The following EIF2AK4 variants were observed in gnomAD, a reference collection of about 807,000 sequenced individuals.
The protein encoded by EIF2AK4 is eIF-2-alpha kinase GCN2.
A neutral mutation model predicts 211.1 loss-of-function variants in EIF2AK4; 139 were observed. That is an observed-to-expected ratio of 0.66 (90% confidence interval 0.57 to 0.76). The LOEUF (loss-of-function observed/expected upper bound fraction) is 0.76. Among genes scored for constraint, EIF2AK4 ranks in the 30% least tolerant of loss-of-function variants. EIF2AK4 has a pLI of 0.00. For missense variants in EIF2AK4, 1,664 were observed against 2,043.8 expected, an observed-to-expected ratio of 0.81 and a Z score of 3.58; for synonymous variants, 710 against 751.3, an observed-to-expected ratio of 0.94 and a Z score of 0.90.
At chr15:40,034,835 C>T (rs189899800) in intron 38 of EIF2AK4, among the ~76,000 whole-genome samples, 192 bp from the exon 39 acceptor site, 98 of 152,290 alleles carry the variant, frequency 6.4e-4, no homozygotes, top group African/African-American at 2.3e-3. Context: ...ATGGTTATCT[C>T]CTTACTAGGA....
Position 40,007,071 on chromosome 15 carries a change from A to G in EIF2AK4, c.3407+6A>G. 6.3e-7 allele frequency: 1 copy of G among 1,585,568 alleles called. No individual in the cohort carries two copies. Among genetic ancestry groups the G allele is most frequent in the Non-Finnish European group, 8.6e-7 (1 of 1,156,514 alleles). ...AATATATTGAATTTAAAACGGTAAG[A>G]AACAATAGGAGATTCCATTTGGTAG... On this transcript the variant is annotated splice_donor_region_variant and intron_variant, in intron 24 of 38. Transcript: ENST00000263791.
In EIF2AK4 at chr15:40,002,684, T is replaced by C. The variant is rs1052010857; in HGVS notation, c.3160-29T>C. ...AAGGATCCCTTTGATAAGGCTTCAA[T>C]GATGATGTTTTAATCGGTCCTGTTT... On this transcript the variant is annotated intron_variant, in intron 21 of 38. Transcript: ENST00000263791. The C allele has an allele frequency of 3.7e-6, 6 of 1,611,304 alleles. No homozygotes were observed. In the African/African-American group the frequency reaches 8.0e-5, roughly 22 times the overall value.
At chr15:40,028,252 A>G (rs935095999) in intron 33 of EIF2AK4, among the ~76,000 whole-genome samples, 2 of 151,932 alleles carry the variant, frequency 1.3e-5, no homozygotes, top group African/African-American at 4.8e-5. Context: ...TTTTTAAATT[A>G]TTTGTAGAGA....
intron 6 of EIF2AK4, 116 bp downstream of exon 6, chr15:39,955,884 C>T: frequency 9.0e-7 from 1 of 1,111,086 alleles, no homozygotes; most frequent in South Asian, 2.1e-5. Context: ...TAACTTTTTT[C>T]AAACCTTATA....
intron 14 of EIF2AK4, 112 bp downstream of exon 14, chr15:39,986,000 C>A: frequency 1.2e-6 from 1 of 857,936 alleles, no homozygotes. Context: ...ATTGCCACTA[C>A]CAAAGATTAA....
chr15:40,018,366 T>G (rs2035337819), intron 29 of EIF2AK4, among the ~76,000 whole-genome samples: 2 of 152,220 alleles, frequency 1.3e-5, no homozygotes, highest in South Asian at 4.1e-4. Context: ...TTATCCTGTT[T>G]AGGGTTTGCT....
chr15:40,019,771 G>C (rs931028592), intron 30 of EIF2AK4, among the ~76,000 whole-genome samples: 1 of 152,156 alleles, frequency 6.6e-6, no homozygotes, highest in Non-Finnish European at 1.5e-5. Context: ...TTCTGCCTTA[G>C]ACAATTAATT....
Position 39,967,466 on chromosome 15 carries a change from G to T in EIF2AK4, c.1140G>T (p.Glu380Asp). 1 of 1,614,138 alleles carries T rather than the reference G, an allele frequency of 6.2e-7. No individual in the cohort carries two copies. Among genetic ancestry groups the T allele is most frequent in the Non-Finnish European group, 8.5e-7 (1 of 1,180,038 alleles). ...CCATCGTGGTGGACATTTTAGTGGAGCACATTAGTGGGGTCTCTCTTGCTG... is the reference window on the plus strand; with the variant it reads ...CCATCGTGGTGGACATTTTAGTGGATCACATTAGTGGGGTCTCTCTTGCTG... ...DDSIVVDILV[E>D]HISGVSLAAH... Residue 380 changes from glutamate to aspartate, a missense_variant, in exon 9 of 39, where the codon GAG (glutamate) becomes GAT (aspartate). Coordinates refer to ENST00000263791, the MANE Select transcript of EIF2AK4 (RefSeq NM_001013703.4).
Position 39,934,184 on chromosome 15 carries a change from C to A in EIF2AK4, c.-12C>A, listed in dbSNP as rs114097242. 2,467 of 1,514,278 alleles carry A rather than the reference C, an allele frequency of 1.6e-3. 37 individuals are homozygous for A. The African/African-American group carries it at 0.03, about 18-fold the overall frequency. The allele number at this position is 1,514,278 out of a possible 1,614,324, so 93.8% of individuals were successfully genotyped here. A position where few individuals can be genotyped will look rare whatever the true frequency, so the allele number is the denominator to read the frequency against. ...CCAGGCAAGGCCGCCCTGCCTTGGGCGCAGCGCTGCCATGGCTGGGGGCCG... is the reference window on the plus strand; with the variant it reads ...CCAGGCAAGGCCGCCCTGCCTTGGGAGCAGCGCTGCCATGGCTGGGGGCCG... On this transcript the variant is annotated 5_prime_UTR_variant, in exon 1 of 39. Coordinates refer to ENST00000263791, the MANE Select transcript of EIF2AK4 (RefSeq NM_001013703.4).
At chr15:39,935,676 C>G (rs1052137367) in intron 1 of EIF2AK4, among the ~76,000 whole-genome samples, 1 of 152,132 alleles carries the variant, frequency 6.6e-6, no homozygotes, top group African/African-American at 2.4e-5. Context: ...TCTGCTCTAT[C>G]TACACATCCA....
intron 12 of EIF2AK4, 93 bp downstream of exon 12, chr15:39,976,937 C>CTTCCTTCTTTCCTTCTTTTCT: frequency 7.4e-7 from 1 of 1,352,492 alleles, no homozygotes; most frequent in South Asian, 1.7e-5. Context: ...TCCTTCCTTC[C>CTTCCTTCTTTCCTTCTTTTCT]TTCTTTCCTT....
Position 39,965,673 on chromosome 15 carries a change from G to T in EIF2AK4, c.860-13G>T, listed in dbSNP as rs780642872. On this transcript the variant is annotated splice_polypyrimidine_tract_variant and intron_variant, in intron 7 of 38. Coordinates refer to ENST00000263791, the MANE Select transcript of EIF2AK4 (RefSeq NM_001013703.4). ...CCAGTGGGATTTAATTACACTTTCTGTTTAATGTGCAGGCAGTGATGAACA... is the reference window on the plus strand; with the variant it reads ...CCAGTGGGATTTAATTACACTTTCTTTTTAATGTGCAGGCAGTGATGAACA... 3 of 1,612,738 alleles carry T rather than the reference G, an allele frequency of 1.9e-6. No homozygotes were observed. In the Admixed American group the frequency reaches 5.0e-5, roughly 27 times the overall value.
chr15:39,976,925 TTTCC>T lies in EIF2AK4; in HGVS notation c.2249+93_2249+96del, dbSNP rs10649761. The stretch of plus-strand genomic sequence containing the variant: ...TATTTTTTTTTCCTTTTTCCTTTCA[TTTCC>T]TTCCTTCCTTCTTTCCTTCTTTTCT... On this transcript the variant is annotated intron_variant, in intron 12 of 38. Coordinates refer to ENST00000263791, the MANE Select transcript of EIF2AK4 (RefSeq NM_001013703.4). 1.0e-5 allele frequency: 13 copies of T among 1,248,258 alleles called. No homozygotes were observed. In the African/African-American group the frequency reaches 1.4e-4, roughly 14 times the overall value. 77.3% of individuals were successfully genotyped at this position (1,248,258 alleles called of 1,614,324 possible).
chr15:40,014,866 C>T (rs1221028120), intron 27 of EIF2AK4, among the ~76,000 whole-genome samples: 1 of 152,166 alleles, frequency 6.6e-6, no homozygotes, highest in Non-Finnish European at 1.5e-5. Context: ...CCCAAGTCAC[C>T]TCTTGATGCT....
chr15:39,942,905 G>A (rs2034167122), intron 2 of EIF2AK4, among the ~76,000 whole-genome samples: 1 of 152,212 alleles, frequency 6.6e-6, no homozygotes, highest in South Asian at 2.1e-4. Flanking sequence ...AGAGCGCTTG[G>A]CCTTGCCAGT....
At chr15:39,947,730 C>T (rs1160579015) in intron 3 of EIF2AK4, among the ~76,000 whole-genome samples, 1 of 152,176 alleles carries the variant, frequency 6.6e-6, no homozygotes, top group East Asian at 1.9e-4. Context: ...CTTTACAAGG[C>T]ATTCAGGAGA....
At position 40,030,395 on chromosome 15, in the gene EIF2AK4, T is replaced by C. The variant is rs559599794; in HGVS notation, c.4598T>C (p.Ile1533Thr). 34 of 1,614,092 alleles carry C rather than the reference T, an allele frequency of 2.1e-5. No homozygotes were observed. In the African/African-American group the frequency reaches 3.6e-4, roughly 17 times the overall value. Residue 1533 changes from isoleucine (I) to threonine (T), a missense_variant, in exon 35 of 39, where the codon ATT (isoleucine) becomes ACT (threonine). By Grantham distance (89) the Ile-to-Thr change is moderately conservative. This residue lies in a region of EIF2AK4 where 138 missense variants were observed against 165.1 expected (regional missense o/e 0.84). Transcript: ENST00000263791. The part of the protein sequence containing the change: ...FEIHGATVVP[I>T]VSVLAPEKLS... ...ATCCATGGAGCAACAGTGGTTCCCA[T>C]TGTGAGTGTGCTAGCCCCGGAGAAG...
intron 26 of EIF2AK4, 71 bp from the exon 27 acceptor site, chr15:40,011,210 C>T (rs147135696): frequency 8.8e-6 from 11 of 1,252,878 alleles, no homozygotes; most frequent in Non-Finnish European, 7.0e-6. Flanking sequence ...TGTTAGAATT[C>T]GCCTGGAAAT....
chr15:40,015,706 T>C lies in EIF2AK4; in HGVS notation c.3760-796T>C, dbSNP rs150560316. On this transcript the variant is annotated intron_variant, in intron 27 of 38. Transcript: ENST00000263791. ...TGATTAACTCTAAGATTAAGCTATG[T>C]CAATCTGAGCCTTCATTTAGCCCTT... Among the ~76,000 whole-genome samples, 190 of 152,362 alleles carry C rather than the reference T, an allele frequency of 1.2e-3. 2 individuals are homozygous for C. The highest frequency in any genetic ancestry group is 4.4e-3 in the African/African-American group (181 of 41,588).
Sources: allele counts gnomAD v4.1 joint callset (sites outside exome capture counted in the v4.1 genomes callset), GRCh38; gene constraint gnomAD v4.1.1; regional missense constraint gnomAD v4.1.1; transcripts MANE v1.5; gene names NCBI Gene and HGNC (gene_info 2026-07-23, HGNC 2026-07-21).